The following PALM3 variants were observed in gnomAD, a reference collection of about 807,000 sequenced individuals.
PALM3 encodes the protein paralemmin-3.
In PALM3, 20 loss-of-function variants were observed where a neutral mutation model predicts 27.9. The ratio of observed to expected loss-of-function variants is 0.72; its 90% CI spans 0.50 to 1.04. The LOEUF is 1.04. Ranked by LOEUF, PALM3 falls within the 50% of genes least tolerant of loss-of-function variation. The pLI is 0.00. For synonymous variants in PALM3, 328 were observed against 352.7 expected (o/e 0.93, Z 0.79); for missense variants, 814 against 869.4 (o/e 0.94, Z 0.80).
chr19:14,062,044 T>G lies in PALM3; in HGVS notation c.-64A>C. The G allele has an allele frequency of 1.2e-5, 11 of 932,714 alleles. No individual in the cohort carries two copies. The highest frequency in any genetic ancestry group is 1.4e-5 in the Non-Finnish European group (11 of 781,710). The allele number at this position is 932,714 out of a possible 1,614,324, so 57.8% of individuals were successfully genotyped here. ...GACCCACCACCCGCTTGCCTGAAGGTGCCCCGGAGGCTGTGACTTGGCTGC... is the reference window on the plus strand; with the variant it reads ...GACCCACCACCCGCTTGCCTGAAGGGGCCCCGGAGGCTGTGACTTGGCTGC... On this transcript the variant is annotated 5_prime_UTR_variant, in exon 1 of 7. Coordinates refer to ENST00000669674, the MANE Select transcript of PALM3 (RefSeq NM_001145028.2).
intron 5 of PALM3, among the ~76,000 whole-genome samples, 191 bp from the exon 6 acceptor site, chr19:14,055,616 A>G (rs1254187521): frequency 6.6e-6 from 1 of 152,072 alleles, no homozygotes; most frequent in Non-Finnish European, 1.5e-5. Context: ...CCTTGCACAC[A>G]GTAGGTGCTT....
intron 2 of PALM3, among the ~76,000 whole-genome samples, chr19:14,058,274 G>C (rs1168350802): frequency 1.3e-5 from 2 of 151,094 alleles, no homozygotes; most frequent in African/African-American, 2.4e-5. Context: ...CAGTGAGATG[G>C]GGTACAGAAG....
rs1328213936 is a variant in PALM3, at chr19:14,053,882, A to T, written c.1790T>A (p.Val597Glu). 9 of 1,551,438 alleles carry T rather than the reference A, an allele frequency of 5.8e-6. No individual in the cohort carries two copies. The highest frequency in any genetic ancestry group is 7.0e-6 in the Non-Finnish European group (8 of 1,146,886). The change falls in exon 7 of 7, where the codon GTA becomes GAA. Residue 597 changes from valine (V) to glutamate (E), a missense_variant. Physicochemically the swap from Val to Glu is moderately radical, Grantham distance 121. Transcript: ENST00000669674. ...CACTCCTTCCTCCTCCAGGGCTCCT[A>T]CTGGCTTCTCCTGGGGCTGGGGTCC... Reference protein sequence around the residue: ...KEGPQPQEKPVGALEEEGVKP... With the variant: ...KEGPQPQEKPEGALEEEGVKP...
Position 14,054,830 on chromosome 19 carries a change from C to G in PALM3, c.842G>C (p.Trp281Ser). The change falls in exon 7 of 7, where the codon TGG (tryptophan) becomes TCG (serine). Residue 281 changes from tryptophan to serine, a missense_variant. Trp to Ser is a radical substitution (Grantham distance 177). Transcript: ENST00000669674. ...CACGATGCCCCTGTCCTCCTTCACC[C>G]AGGCCGGGAGCTCCAGGCTACCAGC... ...KGAGSLELPA[W>S]VKEDRGIVEV... The G allele has an allele frequency of 5.2e-6, 8 of 1,549,310 alleles. No homozygotes were observed. Among genetic ancestry groups the G allele is most frequent in the Non-Finnish European group, 7.0e-6 (8 of 1,145,920 alleles).
intron 1 of PALM3, among the ~76,000 whole-genome samples, chr19:14,060,674 G>A (rs1976398343): frequency 6.6e-6 from 1 of 152,110 alleles, no homozygotes; most frequent in Admixed American, 6.6e-5. Context: ...CGAGGGGGGT[G>A]GGGGTGCAGG....
Position 14,054,619 on chromosome 19 carries a change from T to C in PALM3, c.1053A>G (p.Gly351=), listed in dbSNP as rs1382168429. 1 of 1,551,640 alleles carries C rather than the reference T, an allele frequency of 6.4e-7. No individual in the cohort carries two copies. The highest frequency in any genetic ancestry group is 8.7e-7 in the Non-Finnish European group (1 of 1,146,942). The part of the protein sequence containing the change: ...PEGDGQGGSG[G]EEGSFIWVER... ...CCACCCAAATGAAGGATCCCTCCTC[T>C]CCTCCAGAGCCTCCCTGCCCATCAC... The change falls in exon 7 of 7, where the codon GGA becomes GGG. Residue 351 remains glycine (G), a synonymous_variant. Coordinates refer to ENST00000669674, the MANE Select transcript of PALM3 (RefSeq NM_001145028.2).
chr19:14,059,345 C>T (rs1173186544), intron 1 of PALM3, among the ~76,000 whole-genome samples, 182 bp from the exon 2 acceptor site: 1 of 152,024 alleles, frequency 6.6e-6, no homozygotes, highest in Admixed American at 6.6e-5. Context: ...GCAGTGACCA[C>T]GACTGGTGAG....
At position 14,054,365 on chromosome 19, in the gene PALM3, G is replaced by A; in HGVS notation, c.1307C>T (p.Pro436Leu). ...GTGRDEAEMS[P>L]VVERKGGEKK... ...CTCTCCTCCTTTCCTCTCTACCACTGGTGACATCTCCGCTTCATCCCTCCC... is the reference window on the plus strand; with the variant it reads ...CTCTCCTCCTTTCCTCTCTACCACTAGTGACATCTCCGCTTCATCCCTCCC... Residue 436 changes from proline to leucine, a missense_variant, in exon 7 of 7, where the codon CCA becomes CTA. Transcript: ENST00000669674. 2 of 1,551,944 alleles carry A rather than the reference G, an allele frequency of 1.3e-6. No homozygotes were observed. Among genetic ancestry groups the A allele is most frequent in the South Asian group, 1.2e-5 (1 of 84,048 alleles).
chr19:14,055,458 C>T (rs1259278085), intron 5 of PALM3, 33 bp from the exon 6 acceptor site: 5 of 1,549,368 alleles, frequency 3.2e-6, no homozygotes, highest in Middle Eastern at 1.7e-4. Context: ...GTCAGGCTGG[C>T]CCTCATCCCC....
Position 14,057,453 on chromosome 19 carries a change from C to T in PALM3, c.91-22G>A, listed in dbSNP as rs777777896. On this transcript the variant is annotated intron_variant, in intron 2 of 6. Transcript: ENST00000669674. ...TCTCCTGCGCACAGAGGACCCGGAG[C>T]TGCCCGCCGGCCGGGCGCGGCCTCC... 1.6e-5 allele frequency: 24 copies of T among 1,509,978 alleles called. No homozygotes were observed. In the South Asian group the frequency reaches 2.8e-4, roughly 18 times the overall value. 93.5% of individuals were successfully genotyped at this position (1,509,978 alleles called of 1,614,324 possible).
intron 3 of PALM3, 117 bp from the exon 4 acceptor site, chr19:14,056,921 G>A (rs1599309216): frequency 2.1e-6 from 2 of 931,968 alleles, no homozygotes; most frequent in South Asian, 1.8e-5. Context: ...AACCAGTTGC[G>A]ACATACATCA....
chr19:14,057,039 C>G (rs1976318043), intron 3 of PALM3: 29 of 593,504 alleles, frequency 4.9e-5, no homozygotes, highest in Non-Finnish European at 1.5e-5. Flanking sequence ...AAATCAATGT[C>G]CCTCCCTACT....
intron 3 of PALM3, chr19:14,057,017 A>G (rs1019406010): frequency 3.3e-6 from 2 of 604,056 alleles, no homozygotes; most frequent in African/African-American, 1.9e-5. Flanking sequence ...TGAAACGGGC[A>G]CTTCCAAAGT....
Position 14,054,353 on chromosome 19 carries a change from C to T in PALM3, c.1319G>A (p.Arg440Lys). 6.4e-7 allele frequency: 1 copy of T among 1,552,194 alleles called. No homozygotes were observed. Among genetic ancestry groups the T allele is most frequent in the Non-Finnish European group, 8.7e-7 (1 of 1,147,118 alleles). Residue 440 changes from arginine (R) to lysine (K), a missense_variant, in exon 7 of 7, where the codon AGG (arginine) becomes AAG (lysine). Physicochemically the swap from Arg to Lys is conservative, Grantham distance 26. Coordinates refer to ENST00000669674, the MANE Select transcript of PALM3 (RefSeq NM_001145028.2). Reference protein sequence around the residue: ...DEAEMSPVVERKGGEKKLELE... With the variant: ...DEAEMSPVVEKKGGEKKLELE... ...CTCCAACTTCTTCTCTCCTCCTTTC[C>T]TCTCTACCACTGGTGACATCTCCGC...
In PALM3 at chr19:14,054,514, T is replaced by C; in HGVS notation, c.1158A>G (p.Arg386=). Residue 386 remains arginine (R), a synonymous_variant, in exon 7 of 7, where the codon AGA becomes AGG. Transcript: ENST00000669674. ...LEGPEVAGRE[R]GDESPLGAEG... ...CGGCCCCCAGCGGGCTTTCATCTCCTCTCTCCCTCCCTGCCACCTCGGGCC... is the reference window on the plus strand; with the variant it reads ...CGGCCCCCAGCGGGCTTTCATCTCCCCTCTCCCTCCCTGCCACCTCGGGCC... The C allele has an allele frequency of 6.4e-7, 1 of 1,551,076 alleles. No individual in the cohort carries two copies. The highest frequency in any genetic ancestry group is 8.7e-7 in the Non-Finnish European group (1 of 1,146,740).
intron 1 of PALM3, among the ~76,000 whole-genome samples, chr19:14,061,195 T>TG (rs574392264): frequency 4.6e-5 from 7 of 152,118 alleles, no homozygotes; most frequent in Non-Finnish European, 7.4e-5. Context: ...TCTTCCTTGC[T>TG]GGGGGGGATC....
intron 1 of PALM3, 53 bp from the exon 2 acceptor site, chr19:14,059,216 C>G (rs1976374749): frequency 7.0e-7 from 1 of 1,421,650 alleles, no homozygotes; most frequent in African/African-American, 1.5e-5. Flanking sequence ...ACGCCCCCCT[C>G]TTGGCCAAGA....
In PALM3 at chr19:14,057,033, C is replaced by A. The variant is rs975044744; in HGVS notation, c.172-229G>T. 5.0e-6 allele frequency: 3 copies of A among 595,224 alleles called. No individual in the cohort carries two copies. In the African/African-American group the frequency reaches 5.6e-5, roughly 11 times the overall value. 36.9% of individuals were successfully genotyped at this position (595,224 alleles called of 1,614,324 possible). A position where few individuals can be genotyped will look rare whatever the true frequency, so the allele number is the denominator to read the frequency against. Reference sequence around the variant, plus strand: ...GAAACGGGCACTTCCAAAGTGAAATCAATGTCCCTCCCTACTGGCCCCTCC... The same window carrying A: ...GAAACGGGCACTTCCAAAGTGAAATAAATGTCCCTCCCTACTGGCCCCTCC... On this transcript the variant is annotated intron_variant, in intron 3 of 6. Transcript: ENST00000669674.
chr19:14,054,975 C>T lies in PALM3; in HGVS notation c.697G>A (p.Val233Met). The T allele has an allele frequency of 6.5e-7, 1 of 1,549,456 alleles. No homozygotes were observed. The highest frequency in any genetic ancestry group is 8.7e-7 in the Non-Finnish European group (1 of 1,146,214). ...RVGEAKGGGV[V>M]SVVWEGLRAT... ...CTCAGCCCTTCCCACACCACACTCA[C>T]CACGCCCCCTCCTTTGGCCTCACCC... The change falls in exon 7 of 7, where the codon GTG becomes ATG. Residue 233 changes from valine to methionine, a missense_variant. Val to Met is a conservative substitution (Grantham distance 21, BLOSUM62 1). Transcript: ENST00000669674.
Sources: gnomAD v4.1 joint callset for allele counts (sites outside exome capture counted in the v4.1 genomes callset) on GRCh38, gnomAD v4.1.1 for gene constraint, MANE v1.5 for transcripts, NCBI Gene and HGNC (gene_info 2026-07-23, HGNC 2026-07-21) for gene names.